The following RNF13 variants were observed in gnomAD, a reference collection of about 807,000 sequenced individuals.
The protein encoded by RNF13 is ring finger protein 13, also known as E3 ubiquitin-protein ligase RNF13.
Under a neutral mutation model 37.7 loss-of-function variants are expected in RNF13, and 19 were observed. That is an observed-to-expected ratio of 0.50 (90% CI 0.35 to 0.74). The LOEUF is 0.74. Among genes scored for constraint, RNF13 ranks in the 30% least tolerant of loss-of-function variants. RNF13 has a pLI of 0.01. For missense variants in RNF13, 375 were observed against 453.0 expected (o/e 0.83, Z 1.56); for synonymous variants, 144 against 157.8 (o/e 0.91, Z 0.65).
intron 1 of RNF13, among the ~76,000 whole-genome samples, chr3:149,838,763 T>G (rs946529369): frequency 1.3e-5 from 2 of 151,986 alleles, no homozygotes; most frequent in African/African-American, 4.8e-5. Flanking sequence ...CCCTATTTTC[T>G]TGGCAATTAA....
rs1358066773 is a variant in RNF13 at position 149,911,835 on chromosome 3, T to C, written c.501-143T>C. The C allele has an allele frequency of 5.0e-6, 3 of 600,650 alleles. No individual in the cohort carries two copies. In the African/African-American group the frequency reaches 5.6e-5, roughly 11 times the overall value. 37.2% of individuals were successfully genotyped at this position (600,650 alleles called of 1,614,324 possible). A position where few individuals can be genotyped will look rare whatever the true frequency, so the allele number is the denominator to read the frequency against. ...GCATTCCTTAAATTATTGAAAGTCA[T>C]ATTTTAGAAAATGAAATGTATGTAG... On this transcript the variant is annotated intron_variant, in intron 6 of 9. Transcript: ENST00000392894.
chr3:149,844,509 A>C (rs1722462876), intron 1 of RNF13, among the ~76,000 whole-genome samples: 1 of 152,342 alleles, frequency 6.6e-6, no homozygotes, highest in African/African-American at 2.4e-5. Flanking sequence ...TCTAGATCCT[A>C]GAAGGAAAAC....
rs969771734 is a variant in RNF13, at chr3:149,912,090, A to C, written c.606+7A>C. On this transcript the variant is annotated splice_region_variant and intron_variant, in intron 7 of 9. Coordinates refer to ENST00000392894, the MANE Select transcript of RNF13 (RefSeq NM_183381.3). ...CTTGATAGTCATTTTCATGGTAGGT[A>C]CATTAACTTTTAATAATTTTTAAAA... 5.1e-6 allele frequency: 7 copies of C among 1,360,946 alleles called. No individual in the cohort carries two copies. The African/African-American group carries it at 1.0e-4, about 20-fold the overall frequency. 84.3% of individuals were successfully genotyped at this position (1,360,946 alleles called of 1,614,324 possible).
At chr3:149,887,261 C>T (rs1714152783) in intron 4 of RNF13, among the ~76,000 whole-genome samples, 1 of 152,128 alleles carries the variant, frequency 6.6e-6, no homozygotes, top group East Asian at 1.9e-4. Context: ...TGCAATGCCC[C>T]AATTTCAATA....
intron 1 of RNF13, among the ~76,000 whole-genome samples, chr3:149,825,280 G>A (rs957619572): frequency 2.0e-5 from 3 of 151,866 alleles, no homozygotes; most frequent in African/African-American, 7.3e-5. Context: ...GGGCTCAAGT[G>A]ATTCAGCCTC....
chr3:149,913,603 C>A (rs1250330216), intron 7 of RNF13, among the ~76,000 whole-genome samples: 1 of 152,158 alleles, frequency 6.6e-6, no homozygotes, highest in Non-Finnish European at 1.5e-5. Flanking sequence ...ATCCTGTCTT[C>A]CCTCTGGTCT....
At position 149,930,367 on chromosome 3, in the gene RNF13, T is replaced by C. The variant is rs1463270623; in HGVS notation, c.700+9140T>C. ...TTTGTTGGTATCCAAAAAAAGAAAT[T>C]GCTGAGATTTTGATTGGGATTGCAT... On this transcript the variant is annotated intron_variant, in intron 8 of 9. Coordinates refer to ENST00000392894, the MANE Select transcript of RNF13 (RefSeq NM_183381.3). Among the ~76,000 whole-genome samples the C allele has an allele frequency of 2.0e-5, 3 of 152,190 alleles. No individual in the cohort carries two copies. The East Asian group carries it at 5.8e-4, about 29-fold the overall frequency.
intron 3 of RNF13, among the ~76,000 whole-genome samples, chr3:149,857,713 C>G (rs1428274155): frequency 6.6e-6 from 1 of 152,172 alleles, no homozygotes; most frequent in African/African-American, 2.4e-5. Flanking sequence ...TAAAGATTAC[C>G]TTTCCCCATC....
intron 2 of RNF13, among the ~76,000 whole-genome samples, chr3:149,850,413 A>G (rs546270568): frequency 3.3e-5 from 5 of 152,356 alleles, no homozygotes; most frequent in South Asian, 2.1e-4. Flanking sequence ...TTTAAACAAT[A>G]TGATTTTAAG....
intron 1 of RNF13, among the ~76,000 whole-genome samples, chr3:149,838,838 GT>G (rs1721908998): frequency 6.8e-6 from 1 of 146,828 alleles, no homozygotes; most frequent in Admixed American, 6.8e-5. Flanking sequence ...CAGAAAATGG[GT>G]TTTTCTTTTC....
intron 7 of RNF13, among the ~76,000 whole-genome samples, chr3:149,919,818 A>G (rs1717937490): frequency 6.6e-6 from 1 of 152,218 alleles, no homozygotes; most frequent in Non-Finnish European, 1.5e-5. Context: ...GAAATTGCCA[A>G]GCTCTTTTCC....
rs954781045 is a variant in RNF13 at position 149,902,115 on chromosome 3, T to G, written c.453T>G (p.Gly151=). 1.3e-6 allele frequency: 2 copies of G among 1,517,508 alleles called. No individual in the cohort carries two copies. Among genetic ancestry groups the G allele is most frequent in the East Asian group, 2.5e-5 (1 of 39,332 alleles). The allele number at this position is 1,517,508 out of a possible 1,614,324, so 94.0% of individuals were successfully genotyped here. A position where few individuals can be genotyped will look rare whatever the true frequency, so the allele number is the denominator to read the frequency against. ...KKIDIPSVFI[G]ESSANSLKDE... ...TTGACATTCCATCTGTCTTTATTGG[T>G]GAATCATCAGCTAATTCTCTGAAAG... is the stretch of plus-strand genomic sequence containing the variant. The change falls in exon 6 of 10, where the codon GGT becomes GGG. Residue 151 remains glycine, a synonymous_variant. Coordinates refer to ENST00000392894, the MANE Select transcript of RNF13 (RefSeq NM_183381.3).
At chr3:149,937,724 A>T (rs1217692953) in intron 8 of RNF13, among the ~76,000 whole-genome samples, 1 of 152,014 alleles carries the variant, frequency 6.6e-6, no homozygotes, top group Non-Finnish European at 1.5e-5. Context: ...ATGTTTGGGA[A>T]TTTGCCAGCT....
intron 7 of RNF13, chr3:149,917,466 G>C (rs1316066209): frequency 6.6e-6 from 1 of 152,096 alleles, no homozygotes; most frequent in African/African-American, 2.4e-5. Context: ...TTCTGTTTCT[G>C]TCTCCAGTGA....
In RNF13 at chr3:149,827,917, C is replaced by G. The variant is rs536428942; in HGVS notation, c.-17+14564C>G. On this transcript the variant is annotated intron_variant, in intron 1 of 9. Transcript: ENST00000392894. ...TTGAGGCCAAGAGTTCAAGACCAGC[C>G]TGGGCAGCAAGGCAAGACCCTATCT... 1.4e-3 allele frequency among the ~76,000 whole-genome samples: 216 copies of G among 150,306 alleles called. 1 individual carries two copies. The highest frequency in any genetic ancestry group is 5.0e-3 in the African/African-American group (205 of 41,036).
intron 7 of RNF13, among the ~76,000 whole-genome samples, chr3:149,913,244 A>G (rs1181457647): frequency 2.6e-5 from 4 of 152,194 alleles, no homozygotes; most frequent in African/African-American, 9.6e-5. Flanking sequence ...CTTATTACAC[A>G]TATAGTAAGT....
intron 3 of RNF13, among the ~76,000 whole-genome samples, chr3:149,863,643 G>A (rs1724507329): frequency 1.3e-5 from 2 of 152,146 alleles, no homozygotes; most frequent in South Asian, 4.1e-4. Flanking sequence ...GCCTCCCAAA[G>A]TACTGGGATT....
At chr3:149,876,771 CT>C (rs768071913) in intron 4 of RNF13, among the ~76,000 whole-genome samples, 158 of 82,514 alleles carry the variant, frequency 1.9e-3, no homozygotes, top group South Asian at 6.2e-3. Context: ...GTCATCATAT[CT>C]TTTTTTTTTT....
chr3:149,846,849 A>G (rs913418724), intron 2 of RNF13, among the ~76,000 whole-genome samples: 1 of 152,242 alleles, frequency 6.6e-6, no homozygotes, highest in African/African-American at 2.4e-5. Flanking sequence ...TAAGATGTTC[A>G]TAGAAAATTT....
Sources: allele counts gnomAD v4.1 joint callset (sites outside exome capture counted in the v4.1 genomes callset), GRCh38; gene constraint gnomAD v4.1.1; transcripts MANE v1.5; gene names NCBI Gene and HGNC (gene_info 2026-07-23, HGNC 2026-07-21).